Variants in NKAIN3 observed in about 807,000 individuals in gnomAD.
The protein encoded by NKAIN3 is sodium/potassium-transporting ATPase subunit beta-1-interacting protein 3.
NKAIN3 carries 25 observed loss-of-function variants against 30.2 expected under a neutral mutation model. The ratio of observed to expected loss-of-function variants is 0.83; its 90% CI spans 0.60 to 1.16. The LOEUF (loss-of-function observed/expected upper bound fraction) is 1.16. Ranked by LOEUF, NKAIN3 falls within the 50% of genes most tolerant of loss-of-function variation. The probability of loss-of-function intolerance (pLI) is 0.00; values close to 1 mark genes in which losing one functional copy is unlikely to be tolerated. For synonymous variants in NKAIN3, 91 were observed against 89.6 expected, an observed-to-expected ratio of 1.02 and a Z score of -0.09; for missense variants, 225 against 254.1, an observed-to-expected ratio of 0.89 and a Z score of 0.78.
At chr8:62,844,926 C>G (rs972837338) in intron 4 of NKAIN3, among the ~76,000 whole-genome samples, 11 of 151,972 alleles carry the variant, frequency 7.2e-5, no homozygotes, top group African/African-American at 2.7e-4. Context: ...GAAATACTGT[C>G]TACGAAGGGG....
chr8:62,961,233 T>C (rs763331897), intron 6 of NKAIN3, among the ~76,000 whole-genome samples: 1 of 151,702 alleles, frequency 6.6e-6, no homozygotes, highest in African/African-American at 2.4e-5. Flanking sequence ...TGAGCCGAGA[T>C]AGTGCCACTG....
chr8:62,293,721 A>G (rs1422685843), intron 1 of NKAIN3, among the ~76,000 whole-genome samples: 1 of 152,102 alleles, frequency 6.6e-6, no homozygotes, highest in Non-Finnish European at 1.5e-5. Flanking sequence ...CTGTTCTCAG[A>G]TCTCAAACTC....
At chr8:62,266,883 T>A (rs576381782) in intron 1 of NKAIN3, among the ~76,000 whole-genome samples, 1 of 152,370 alleles carries the variant, frequency 6.6e-6, no homozygotes, top group East Asian at 1.9e-4. Flanking sequence ...TAAATATGGC[T>A]GCAGAACTGC....
intron 4 of NKAIN3, among the ~76,000 whole-genome samples, chr8:62,876,524 T>C (rs1389073946): frequency 6.6e-6 from 1 of 152,202 alleles, no homozygotes; most frequent in Admixed American, 6.5e-5. Context: ...ATATGTTTAT[T>C]GCAGCACTAT....
At chr8:62,249,925 G>A (rs1205268383) in intron 1 of NKAIN3, among the ~76,000 whole-genome samples, 4 of 152,166 alleles carry the variant, frequency 2.6e-5, no homozygotes, top group Admixed American at 2.0e-4. Context: ...TCCTGGACTG[G>A]CTCTGTGGTC....
At chr8:62,578,689 C>G (rs1056343800) in intron 1 of NKAIN3, among the ~76,000 whole-genome samples, 2 of 151,718 alleles carry the variant, frequency 1.3e-5, no homozygotes, top group African/African-American at 4.8e-5. Flanking sequence ...GGTACTAGTT[C>G]TAGTGTCACA....
At chr8:62,908,865 T>G (rs1234424537) in intron 4 of NKAIN3, among the ~76,000 whole-genome samples, 2 of 152,200 alleles carry the variant, frequency 1.3e-5, no homozygotes, top group Non-Finnish European at 2.9e-5. Context: ...AAGGATTCTT[T>G]TAAGCTTTAA....
intron 4 of NKAIN3, among the ~76,000 whole-genome samples, chr8:62,871,996 G>C (rs1820660218): frequency 6.6e-6 from 1 of 152,194 alleles, no homozygotes; most frequent in African/African-American, 2.4e-5. Flanking sequence ...TACAATGGTG[G>C]TTCCATGATA....
chr8:62,867,291 C>T (rs1820456680), intron 4 of NKAIN3, among the ~76,000 whole-genome samples: 1 of 152,102 alleles, frequency 6.6e-6, no homozygotes, highest in African/African-American at 2.4e-5. Flanking sequence ...TCTCATGTCT[C>T]AATTTCTTCT....
chr8:62,357,302 G>C (rs896056011), intron 1 of NKAIN3, among the ~76,000 whole-genome samples: 1 of 151,304 alleles, frequency 6.6e-6, no homozygotes, highest in Non-Finnish European at 1.5e-5. Context: ...ACATGTAATC[G>C]TAGCTACTTG....
At chr8:62,329,034 GC>G (rs1815245970) in intron 1 of NKAIN3, among the ~76,000 whole-genome samples, 1 of 152,018 alleles carries the variant, frequency 6.6e-6, no homozygotes, top group African/African-American at 2.4e-5. Context: ...GTCATCAGCA[GC>G]TTTGTGAAGT....
chr8:62,817,975 C>T (rs1265937109), intron 4 of NKAIN3, among the ~76,000 whole-genome samples: 1 of 152,006 alleles, frequency 6.6e-6, no homozygotes, highest in Non-Finnish European at 1.5e-5. Flanking sequence ...TATTTTATTG[C>T]TGTATATTTG....
chr8:62,490,410 C>G (rs1314748821), intron 1 of NKAIN3, among the ~76,000 whole-genome samples: 2 of 152,106 alleles, frequency 1.3e-5, no homozygotes, highest in African/African-American at 4.8e-5. Context: ...ATATATATGT[C>G]CTGGTTCTGC....
At chr8:62,778,754 CCCTCTCTTTT>C (rs139730688) in intron 4 of NKAIN3, among the ~76,000 whole-genome samples, 1,880 of 152,114 alleles carry the variant, frequency 0.012, 15 homozygotes, top group Non-Finnish European at 0.02. Flanking sequence ...CTTTACTCTT[CCCTCTCTTTT>C]CTCAAGCAGA....
intron 4 of NKAIN3, chr8:62,856,540 C>T: frequency 2.6e-6 from 2 of 781,518 alleles, no homozygotes; most frequent in Non-Finnish European, 4.7e-6. Flanking sequence ...GGTCCTGGCT[C>T]AGCTGGCTTA....
At chr8:62,689,761 A>G (rs1293415013) in intron 3 of NKAIN3, among the ~76,000 whole-genome samples, 3 of 152,020 alleles carry the variant, frequency 2.0e-5, no homozygotes, top group African/African-American at 7.2e-5. Flanking sequence ...TGACCCTGGA[A>G]TTCAATAAAT....
chr8:62,868,144 C>G (rs28517371), intron 4 of NKAIN3, among the ~76,000 whole-genome samples: 1,983 of 152,182 alleles, frequency 0.013, 47 homozygotes, highest in African/African-American at 0.044. Context: ...AGAAGTATGA[C>G]TGTTAGAAAA....
At chr8:62,307,834 G>A (rs747734828) in intron 1 of NKAIN3, among the ~76,000 whole-genome samples, 4 of 150,758 alleles carry the variant, frequency 2.7e-5, no homozygotes, top group Non-Finnish European at 4.4e-5. Flanking sequence ...GGTAAAGTGA[G>A]TGGTATCAGG....
At position 62,678,182 on chromosome 8, in the gene NKAIN3, T is replaced by C. The variant is rs74690146; in HGVS notation, c.274-68750T>C. Among the ~76,000 whole-genome samples, 50 of 152,314 alleles carry C rather than the reference T, an allele frequency of 3.3e-4. 1 individual carries two copies. In the East Asian group the frequency reaches 9.3e-3, roughly 28 times the overall value. On this transcript the variant is annotated intron_variant, in intron 3 of 6. Transcript: ENST00000623646. ...AAATAGGCAGATAGTGGAGTCATTT[T>C]TCTCTTCTCATTTCCTTTAATGCTT...
Sources: gnomAD v4.1 joint callset for allele counts (sites outside exome capture counted in the v4.1 genomes callset) on GRCh38, gnomAD v4.1.1 for gene constraint, MANE v1.5 for transcripts, NCBI Gene and HGNC (gene_info 2026-07-23, HGNC 2026-07-21) for gene names.